The following KDM1B variants were observed in gnomAD, a reference collection of about 807,000 sequenced individuals.
KDM1B encodes lysine demethylase 1B.
In KDM1B, 63 loss-of-function variants were observed where a neutral mutation model predicts 107.4. That is an observed-to-expected ratio of 0.59 (90% CI 0.48 to 0.72). KDM1B has a LOEUF of 0.72. Ranked by LOEUF, KDM1B falls within the 30% of genes least tolerant of loss-of-function variation. The probability of loss-of-function intolerance (pLI) is 0.00; values close to 1 mark genes in which losing one functional copy is unlikely to be tolerated. For synonymous variants in KDM1B, 363 were observed against 363.9 expected, an observed-to-expected ratio of 1.00 and a Z score of 0.03; for missense variants, 749 against 1,020.8, an observed-to-expected ratio of 0.73 and a Z score of 3.63.
chr6:18,172,406 A>G lies in KDM1B; in HGVS notation c.534+927A>G, dbSNP rs1425429475. On this transcript the variant is annotated intron_variant, in intron 7 of 21. Transcript: ENST00000650836. The surrounding 1 kb of genome is among the most constrained non-coding windows in gnomAD (Gnocchi z 5.2). ...AAAATTCACCCTTTTAAAGCATACAATTGAGTGGCTGTGGTGCAGGTTGAG... is the reference window on the plus strand; with the variant it reads ...AAAATTCACCCTTTTAAAGCATACAGTTGAGTGGCTGTGGTGCAGGTTGAG... Among the ~76,000 whole-genome samples the G allele has an allele frequency of 1.3e-5, 2 of 152,200 alleles. No homozygotes were observed. The highest frequency in any genetic ancestry group is 2.4e-5 in the African/African-American group (1 of 41,454).
intron 7 of KDM1B, among the ~76,000 whole-genome samples, chr6:18,176,697 C>T (rs539870746): frequency 8.5e-4 from 130 of 152,166 alleles, no homozygotes; most frequent in Non-Finnish European, 1.7e-3. Flanking sequence ...GCTTTTTCTG[C>T]ATCTATTGAG....
rs1181820401 is a variant in KDM1B at position 18,210,366 on chromosome 6, T to C, written c.1867-2122T>C. ...TCTTTTTTTTTTTTTTTTTTTTTTT[T>C]TTTTTTGTTTTACAGGGTCTTATTC... On this transcript the variant is annotated intron_variant, in intron 17 of 21. Coordinates refer to ENST00000650836, the MANE Select transcript of KDM1B (RefSeq NM_001364614.2). 3.3e-3 allele frequency among the ~76,000 whole-genome samples: 288 copies of C among 88,186 alleles called. 8 individuals carry two copies. Among genetic ancestry groups the C allele is most frequent in the African/African-American group, 0.012 (278 of 23,990 alleles). 57.9% of individuals were successfully genotyped at this position (88,186 alleles called of 152,430 possible). A position where few individuals can be genotyped will look rare whatever the true frequency, so the allele number is the denominator to read the frequency against.
chr6:18,188,973 G>A (rs1427160070), intron 9 of KDM1B, among the ~76,000 whole-genome samples: 3 of 151,920 alleles, frequency 2.0e-5, no homozygotes, highest in African/African-American at 7.2e-5. Context: ...TAGTAGAGAT[G>A]GGGTTTCATC....
At chr6:18,219,195 C>T (rs570009179) in intron 21 of KDM1B, among the ~76,000 whole-genome samples, 62 of 152,314 alleles carry the variant, frequency 4.1e-4, no homozygotes, top group African/African-American at 1.3e-3. Context: ...AGCCACCGCG[C>T]CTGGCCTGGA....
chr6:18,208,139 G>A lies in KDM1B; in HGVS notation c.1799G>A (p.Cys600Tyr), dbSNP rs1404495130. 6.2e-7 allele frequency: 1 copy of A among 1,612,804 alleles called. No individual in the cohort carries two copies. Among genetic ancestry groups the A allele is most frequent in the Non-Finnish European group, 8.5e-7 (1 of 1,179,122 alleles). ...LDIQLKSPVQ[C>Y]IDYSGDEVQV... ...TAATTGCTTTTTGAGCAGGTGCAGT[G>A]TATTGATTATTCTGGAGATGAAGTG... is the stretch of plus-strand genomic sequence containing the variant. The change falls in exon 17 of 22, where the codon TGT (cysteine) becomes TAT (tyrosine). Residue 600 changes from cysteine to tyrosine, a missense_variant. By Grantham distance (194) the Cys-to-Tyr change is radical. Transcript: ENST00000650836.
At chr6:18,170,773 C>T (rs1008769982) in intron 6 of KDM1B, among the ~76,000 whole-genome samples, 4 of 152,086 alleles carry the variant, frequency 2.6e-5, no homozygotes, top group African/African-American at 9.7e-5. Flanking sequence ...AGCCACCATG[C>T]CTGGCCCTGA....
chr6:18,218,855 C>T (rs1789446977), intron 21 of KDM1B, among the ~76,000 whole-genome samples: 1 of 152,028 alleles, frequency 6.6e-6, no homozygotes, highest in African/African-American at 2.4e-5. Context: ...GAGTGTCCTC[C>T]TGGGTCTCTC....
intron 7 of KDM1B, among the ~76,000 whole-genome samples, chr6:18,184,549 A>G (rs1786708331): frequency 1.3e-5 from 2 of 151,816 alleles, no homozygotes; most frequent in South Asian, 4.1e-4. Flanking sequence ...TGCTGGGATT[A>G]CAGGTGTGAG....
At chr6:18,166,178 A>G in intron 5 of KDM1B, 89 bp from the exon 6 acceptor site, 1 of 648,002 alleles carries the variant, frequency 1.5e-6, no homozygotes, top group Admixed American at 2.5e-5. Context: ...GTTACGTAAG[A>G]TTTACTAACC....
intron 21 of KDM1B, among the ~76,000 whole-genome samples, chr6:18,218,917 T>TTAAA (rs1475007327): frequency 6.6e-6 from 1 of 152,156 alleles, no homozygotes; most frequent in Non-Finnish European, 1.5e-5. Flanking sequence ...TTATTTATTT[T>TTAAA]TTTGAGACGG....
At chr6:18,164,947 A>G (rs1785200350) in intron 5 of KDM1B, among the ~76,000 whole-genome samples, 2 of 151,680 alleles carry the variant, frequency 1.3e-5, no homozygotes, top group Non-Finnish European at 2.9e-5. Context: ...TGCCCGGCCT[A>G]GAGGAGATTT....
chr6:18,187,515 A>G (rs1786949504), intron 8 of KDM1B, among the ~76,000 whole-genome samples: 1 of 152,190 alleles, frequency 6.6e-6, no homozygotes, highest in South Asian at 2.1e-4. Flanking sequence ...CTCACCTGGC[A>G]TTGGGGAGCT....
chr6:18,220,142 CCAAACT>C (rs1386359167), intron 21 of KDM1B, among the ~76,000 whole-genome samples: 1 of 152,202 alleles, frequency 6.6e-6, no homozygotes, highest in Non-Finnish European at 1.5e-5. Flanking sequence ...GCCCCCAACC[CCAAACT>C]TAAAATGAAT....
Position 18,166,408 on chromosome 6 carries a change from A to G in KDM1B, c.417+30A>G, listed in dbSNP as rs114818541. The G allele has an allele frequency of 2.8e-4, 370 of 1,323,988 alleles. No individual in the cohort carries two copies. The African/African-American group carries it at 4.8e-3, about 17-fold the overall frequency. The allele number at this position is 1,323,988 out of a possible 1,614,324, so 82.0% of individuals were successfully genotyped here. On this transcript the variant is annotated intron_variant, in intron 6 of 21. Transcript: ENST00000650836. ...GGAGAGTGATGCTCTCTGTCTGTGAAGTATTTGTGGAGCCAAATGCAAGAG... is the reference window on the plus strand; with the variant it reads ...GGAGAGTGATGCTCTCTGTCTGTGAGGTATTTGTGGAGCCAAATGCAAGAG...
At chr6:18,217,607 G>C in intron 20 of KDM1B, 126 bp from the exon 21 acceptor site, 1 of 675,788 alleles carries the variant, frequency 1.5e-6, no homozygotes. Context: ...TCGATCTCCT[G>C]ACCTTGTGAT....
chr6:18,166,496 T>C, intron 6 of KDM1B, 118 bp downstream of exon 6: 1 of 640,066 alleles, frequency 1.6e-6, no homozygotes, highest in Non-Finnish European at 2.8e-6. Flanking sequence ...CTATGACTAT[T>C]AAAGCAAATA....
Position 18,207,521 on chromosome 6 carries a change from A to G in KDM1B, c.1783A>G (p.Lys595Glu). 1 of 1,614,178 alleles carries G rather than the reference A, an allele frequency of 6.2e-7. No homozygotes were observed. Among genetic ancestry groups the G allele is most frequent in the South Asian group, 1.1e-5 (1 of 91,082 alleles). ...GGCAGAAGGGCTTGACATTCAACTC[A>G]AATCTCCAGTGAGTATCAACTGCTG... ...KLAEGLDIQL[K>E]SPVQCIDYSG... is the part of the protein sequence containing the mutation. Residue 595 changes from lysine to glutamate, a missense_variant, in exon 16 of 22, where the codon AAA becomes GAA. Coordinates refer to ENST00000650836, the MANE Select transcript of KDM1B (RefSeq NM_001364614.2).
intron 2 of KDM1B, among the ~76,000 whole-genome samples, chr6:18,157,504 A>G (rs1023981818): frequency 7.9e-5 from 12 of 152,178 alleles, no homozygotes; most frequent in African/African-American, 1.2e-4. Flanking sequence ...GACAGGGTCA[A>G]ATGTTGCATG....
At chr6:18,208,376 C>T (rs1788537241) in intron 17 of KDM1B, among the ~76,000 whole-genome samples, 170 bp downstream of exon 17, 2 of 151,606 alleles carry the variant, frequency 1.3e-5, no homozygotes, top group African/African-American at 4.9e-5. Context: ...ATATGCAAAG[C>T]TGATTTCATT....
Sources: allele counts gnomAD v4.1 joint callset (sites outside exome capture counted in the v4.1 genomes callset), GRCh38; gene constraint gnomAD v4.1.1; non-coding constraint Gnocchi (gnomAD v3.1); transcripts MANE v1.5; gene names NCBI Gene and HGNC (gene_info 2026-07-23, HGNC 2026-07-21).